The following ECE2 variants were observed in gnomAD, a reference collection of about 807,000 sequenced individuals.
The protein encoded by ECE2 is endothelin converting enzyme 2.
Under a neutral mutation model 100.6 loss-of-function variants are expected in ECE2, and 81 were observed. The observed-to-expected ratio is 0.81, with a 90% CI of 0.67 to 0.97. The LOEUF is 0.97. ECE2 is among the 50% of genes least tolerant of loss of function. The probability of loss-of-function intolerance (pLI) is 0.00; values close to 1 mark genes in which losing one functional copy is unlikely to be tolerated. For synonymous variants in ECE2, 391 were observed against 391.5 expected (o/e 1.00, Z 0.02); for missense variants, 911 against 988.1 (o/e 0.92, Z 1.05).
chr3:184,276,649 T>C (rs1720565750), intron 2 of ECE2, 82 bp downstream of exon 2: 2 of 1,576,470 alleles, frequency 1.3e-6, no homozygotes, highest in Non-Finnish European at 1.7e-6. Context: ...TGGGCTGTTC[T>C]GGAGGGTCAC....
intron 10 of ECE2, among the ~76,000 whole-genome samples, chr3:184,287,139 G>A (rs980816787): frequency 6.6e-6 from 1 of 151,960 alleles, no homozygotes; most frequent in Non-Finnish European, 1.5e-5. Flanking sequence ...AGCCGGGCGT[G>A]GTGGCGGGCG....
At position 184,276,032 on chromosome 3, in the gene ECE2, G is replaced by T; in HGVS notation, c.-122G>T. On this transcript the variant is annotated 5_prime_UTR_variant, in exon 1 of 19. Transcript: ENST00000404464. ...GGGGGGGGGGCGGCCGCGGCCGAGC[G>T]GGGGTGCTGCGCGGCGGCCGTGATG... The T allele has an allele frequency of 1.8e-6, 2 of 1,090,218 alleles. No homozygotes were observed. The highest frequency in any genetic ancestry group is 4.4e-5 in the South Asian group (1 of 22,860). 67.5% of individuals were successfully genotyped at this position (1,090,218 alleles called of 1,614,324 possible). A position where few individuals can be genotyped will look rare whatever the true frequency, so the allele number is the denominator to read the frequency against.
intron 7 of ECE2, among the ~76,000 whole-genome samples, chr3:184,279,309 C>CAAA (rs60647349): frequency 1.6e-4 from 13 of 79,122 alleles, no homozygotes; most frequent in Admixed American, 3.2e-4. Context: ...GACTCCGACT[C>CAAA]AAAAAAAAAA....
At chr3:184,282,558 G>C (rs570023959) in intron 7 of ECE2, among the ~76,000 whole-genome samples, 1 of 152,322 alleles carries the variant, frequency 6.6e-6, no homozygotes, top group African/African-American at 2.4e-5. Context: ...AGCTGCGCTT[G>C]GGTCTGAAAT....
intron 4 of ECE2, 31 bp downstream of exon 4, chr3:184,277,497 C>T (rs1490845507): frequency 1.2e-6 from 2 of 1,608,418 alleles, no homozygotes; most frequent in East Asian, 4.5e-5. Flanking sequence ...GGCCTTGGGC[C>T]ACCTATGTGC....
rs755545946 is a variant in ECE2, at chr3:184,292,177, G to A, written c.2237G>A (p.Arg746Gln). The change falls in exon 19 of 19, where the codon CGG becomes CAG. Residue 746 changes from arginine to glutamine, a missense_variant. Physicochemically the swap from Arg to Gln is conservative, Grantham distance 43 (BLOSUM62 1). Coordinates refer to ENST00000404464, the MANE Select transcript of ECE2 (RefSeq NM_001100121.2). ...CTCTCCAACTCCCGTGACTTCCTGC[G>A]GCACTTCGGCTGCCCTGTCGGCTCC... ...GTLSNSRDFL[R>Q]HFGCPVGSPM... The A allele has an allele frequency of 1.1e-5, 17 of 1,614,124 alleles. No homozygotes were observed. In the East Asian group the frequency reaches 1.8e-4, roughly 17 times the overall value.
chr3:184,286,386 G>T (rs1251037816), intron 10 of ECE2, among the ~76,000 whole-genome samples: 2 of 152,188 alleles, frequency 1.3e-5, no homozygotes, highest in African/African-American at 4.8e-5. Context: ...CTCCATGGGA[G>T]TAGCATGGAG....
In ECE2 at chr3:184,278,882, G is replaced by C. The variant is rs1720693918; in HGVS notation, c.816+325G>C. The C allele has an allele frequency of 9.1e-6, 3 of 329,344 alleles. No individual in the cohort carries two copies. In the East Asian group the frequency reaches 1.8e-4, roughly 20 times the overall value. 20.4% of individuals were successfully genotyped at this position (329,344 alleles called of 1,614,324 possible). A position where few individuals can be genotyped will look rare whatever the true frequency, so the allele number is the denominator to read the frequency against. On this transcript the variant is annotated intron_variant, in intron 7 of 18. Coordinates refer to ENST00000404464, the MANE Select transcript of ECE2 (RefSeq NM_001100121.2). ...GTCGATGGGTTCATGGACCTAGATA[G>C]CTGAGAACAAAGCTCACAAGAGGGT... is the stretch of plus-strand genomic sequence containing the variant.
intron 14 of ECE2, 70 bp downstream of exon 14, chr3:184,290,428 G>A (rs1486375886): frequency 6.4e-7 from 1 of 1,571,926 alleles, no homozygotes; most frequent in African/African-American, 1.4e-5. Flanking sequence ...CTGGGATGGG[G>A]GAAAAGGGTG....
chr3:184,281,321 C>T (rs1013996706), intron 7 of ECE2, among the ~76,000 whole-genome samples: 20 of 152,190 alleles, frequency 1.3e-4, no homozygotes, highest in African/African-American at 4.1e-4. Context: ...GCATAGGGTT[C>T]TGAGAGCAAG....
rs373376496 is a variant in ECE2, at chr3:184,278,136, A to G, written c.604-31A>G. ...CCAGGAACGCTTTGGGAGCTCCTGC[A>G]CTAATCATTCCACTTATGGTCTCTA... On this transcript the variant is annotated intron_variant, in intron 5 of 18. Coordinates refer to ENST00000404464, the MANE Select transcript of ECE2 (RefSeq NM_001100121.2). 1.7e-5 allele frequency: 27 copies of G among 1,613,698 alleles called. No individual in the cohort carries two copies. In the East Asian group the frequency reaches 2.0e-4, roughly 12 times the overall value.
chr3:184,289,515 CGCCAGGCA>C lies in ECE2; in HGVS notation c.1458_1465del (p.Ala487GlyfsTer8). The C allele has an allele frequency of 6.2e-7, 1 of 1,612,646 alleles. No individual in the cohort carries two copies. Among genetic ancestry groups the C allele is most frequent in the Non-Finnish European group, 8.5e-7 (1 of 1,179,392 alleles). ...GCTGGTTTGGATGGATGAGAAGACC[CGCCAGGCA>C]GCCAAGGAGAAAGTGAGCGGTGGCT... On this transcript the variant is annotated frameshift_variant, in exon 12 of 19. Transcript: ENST00000404464. LOFTEE classifies it high-confidence loss of function. This position sits in a 1 kb window ranked among gnomAD's most constrained non-coding sequence, Gnocchi z 4.1.
chr3:184,291,542 T>C lies in ECE2; in HGVS notation c.2121+103T>C, dbSNP rs1175880891. 6 of 1,130,802 alleles carry C rather than the reference T, an allele frequency of 5.3e-6. No individual in the cohort carries two copies. In the East Asian group the frequency reaches 1.6e-4, roughly 31 times the overall value. 70.0% of individuals were successfully genotyped at this position (1,130,802 alleles called of 1,614,324 possible). ...GGCACGTGTCAAACGGGCTGGTGAA[T>C]GGGGCTGAGGCTGGGGCATGAAAGG... On this transcript the variant is annotated intron_variant, in intron 18 of 18. Coordinates refer to ENST00000404464, the MANE Select transcript of ECE2 (RefSeq NM_001100121.2). The surrounding 1 kb of genome is among the most constrained non-coding windows in gnomAD (Gnocchi z 4.1).
rs1438017595 is a variant in ECE2 at position 184,291,282 on chromosome 3, A to G, written c.2025+52A>G. On this transcript the variant is annotated intron_variant, in intron 17 of 18. Coordinates refer to ENST00000404464, the MANE Select transcript of ECE2 (RefSeq NM_001100121.2). This position sits in a 1 kb window ranked among gnomAD's most constrained non-coding sequence, Gnocchi z 4.1. Reference sequence around the variant, plus strand: ...GGCTGAGGCCTGCTGGCCTGGGGTGAAAGGTGCCGGGTGGGTGGGGGCAGG... The same window carrying G: ...GGCTGAGGCCTGCTGGCCTGGGGTGGAAGGTGCCGGGTGGGTGGGGGCAGG... 6.3e-7 allele frequency: 1 copy of G among 1,592,596 alleles called. No individual in the cohort carries two copies. Among genetic ancestry groups the G allele is most frequent in the Non-Finnish European group, 8.6e-7 (1 of 1,167,754 alleles).
rs770032247 is a variant in ECE2 at position 184,289,718 on chromosome 3, G to A, written c.1551G>A (p.Gly517=). The part of the protein sequence containing the change: ...EPKELDDVYD[G]YEISEDSFFQ... ...AAGAGCTGGATGATGTTTATGACGG[G>A]GTGAGTACCTACGCTCATCAGTACT... Residue 517 remains glycine, a splice_region_variant and synonymous_variant, in exon 13 of 19, where the codon GGG becomes GGA. Coordinates refer to ENST00000404464, the MANE Select transcript of ECE2 (RefSeq NM_001100121.2). The surrounding 1 kb of genome is among the most constrained non-coding windows in gnomAD (Gnocchi z 4.1). The A allele has an allele frequency of 1.9e-6, 3 of 1,611,116 alleles. No homozygotes were observed. In the East Asian group the frequency reaches 6.7e-5, roughly 36 times the overall value.
intron 10 of ECE2, 112 bp downstream of exon 10, chr3:184,285,704 G>A (rs1399747694): frequency 2.0e-5 from 16 of 799,998 alleles, no homozygotes; most frequent in East Asian, 5.0e-5. Context: ...AGTATGGAGC[G>A]CAGAATTTGG....
intron 15 of ECE2, 39 bp from the exon 16 acceptor site, chr3:184,290,754 C>A (rs755616378): frequency 1.9e-6 from 3 of 1,613,108 alleles, no homozygotes; most frequent in South Asian, 2.2e-5. Context: ...TTCAGAAGTA[C>A]CCCCGCCATG....
Position 184,291,591 on chromosome 3 carries a change from G to T in ECE2, c.2121+152G>T. On this transcript the variant is annotated intron_variant, in intron 18 of 18. Coordinates refer to ENST00000404464, the MANE Select transcript of ECE2 (RefSeq NM_001100121.2). The surrounding 1 kb of genome is among the most constrained non-coding windows in gnomAD (Gnocchi z 4.1). The stretch of plus-strand genomic sequence containing the variant: ...GGTGGGCTGGGAAGGCCCATGCCCA[G>T]AGCCTCCGGCCAGCCAGGGCCCACA... The T allele has an allele frequency of 1.3e-6, 1 of 755,934 alleles. No homozygotes were observed. Among genetic ancestry groups the T allele is most frequent in the Non-Finnish European group, 2.0e-6 (1 of 491,792 alleles). 46.8% of individuals were successfully genotyped at this position (755,934 alleles called of 1,614,324 possible).
intron 7 of ECE2, among the ~76,000 whole-genome samples, chr3:184,283,435 G>A (rs111514499): frequency 1.2e-4 from 18 of 151,062 alleles, no homozygotes; most frequent in Non-Finnish European, 2.5e-4. Context: ...GGTGGCACAC[G>A]CCTGTAGTCC....
Sources: gnomAD v4.1 joint callset for allele counts (sites outside exome capture counted in the v4.1 genomes callset) on GRCh38, gnomAD v4.1.1 for gene constraint, Gnocchi (gnomAD v3.1) non-coding constraint, MANE v1.5 for transcripts, NCBI Gene and HGNC (gene_info 2026-07-23, HGNC 2026-07-21) for gene names.